The following PCDHGA5 variants were observed in gnomAD, a reference collection of about 807,000 sequenced individuals.
PCDHGA5 encodes protocadherin gamma subfamily A, 5.
In PCDHGA5, 36 loss-of-function variants were observed where a neutral mutation model predicts 56.7. The observed-to-expected ratio is 0.64, with a 90% confidence interval of 0.49 to 0.84. PCDHGA5 has a LOEUF of 0.84. Ranked by LOEUF, PCDHGA5 falls within the 40% of genes least tolerant of loss-of-function variation. The pLI is 0.00. For synonymous variants in PCDHGA5, 563 were observed against 520.2 expected, an observed-to-expected ratio of 1.08 and a Z score of -1.12; for missense variants, 1,305 against 1,201.5, an observed-to-expected ratio of 1.09 and a Z score of -1.27.
At chr5:141,494,954 G>A in intron 2 of PCDHGA5, 89 bp downstream of exon 2, 2 of 1,601,116 alleles carry the variant, frequency 1.2e-6, no homozygotes. Context: ...CCCAGCATTT[G>A]CTACAGATGG....
In PCDHGA5 at chr5:141,485,979, C is replaced by G; in HGVS notation, c.2422-8828C>G. 1 of 1,614,182 alleles carries G rather than the reference C, an allele frequency of 6.2e-7. No individual in the cohort carries two copies. Among genetic ancestry groups the G allele is most frequent in the Non-Finnish European group, 8.5e-7 (1 of 1,180,022 alleles). On this transcript the variant is annotated intron_variant, in intron 1 of 3. Coordinates refer to ENST00000518069, the MANE Select transcript of PCDHGA5 (RefSeq NM_018918.3). The surrounding 1 kb of genome is among the most constrained non-coding windows in gnomAD (Gnocchi z 5.7). ...CTCATCCAGCTCAATGCCTCAGACC[C>G]GGACCTGGGTCCCAGTGGTAACGTC...
chr5:141,365,307 CT>C lies in PCDHGA5; in HGVS notation c.978del (p.Val328LeufsTer13). The C allele has an allele frequency of 1.2e-6, 2 of 1,613,992 alleles. No homozygotes were observed. Among genetic ancestry groups the C allele is most frequent in the Non-Finnish European group, 1.7e-6 (2 of 1,179,882 alleles). On this transcript the variant is annotated frameshift_variant, in exon 1 of 4. Coordinates refer to ENST00000518069, the MANE Select transcript of PCDHGA5 (RefSeq NM_018918.3). LOFTEE classifies it high-confidence loss of function. ...LMEVVAQDGGALVASAKVVVT... is the reference protein window; with the variant it reads ...LMEVVAQDGGXLVASAKVVVT... ...GAAGTGGTAGCTCAGGATGGAGGCG[CT>C]CTTGTTGCCAGCGCTAAGGTGGTGG...
chr5:141,488,672 G>A (rs1012955473), intron 1 of PCDHGA5, among the ~76,000 whole-genome samples: 20 of 152,208 alleles, frequency 1.3e-4, no homozygotes, highest in African/African-American at 4.8e-4. Context: ...GAATACATGG[G>A]CTTTGCCTCT....
In PCDHGA5 at chr5:141,370,866, C is replaced by A. The variant is rs770980502; in HGVS notation, c.2421+4115C>A. On this transcript the variant is annotated intron_variant, in intron 1 of 3. Transcript: ENST00000518069. ...AGCCACATTTGCCCTGGAATCTGCG[C>A]AAGATCCTGATGTAGGTGTCAATTC... 14 of 1,614,050 alleles carry A rather than the reference C, an allele frequency of 8.7e-6. No homozygotes were observed. In the Admixed American group the frequency reaches 2.3e-4, roughly 27 times the overall value.
At position 141,432,782 on chromosome 5, in the gene PCDHGA5, C is replaced by G. The variant is rs547164205; in HGVS notation, c.2422-62025C>G. On this transcript the variant is annotated intron_variant, in intron 1 of 3. Transcript: ENST00000518069. The surrounding 1 kb of genome is among the most constrained non-coding windows in gnomAD (Gnocchi z 6.0). ...CAGCATCCCCCAAGTCCTGGCGGACCTCGGCAGCCTCGAGTCTCCAGCTAA... is the reference window on the plus strand; with the variant it reads ...CAGCATCCCCCAAGTCCTGGCGGACGTCGGCAGCCTCGAGTCTCCAGCTAA... 4.3e-6 allele frequency: 7 copies of G among 1,614,046 alleles called. No individual in the cohort carries two copies. The highest frequency in any genetic ancestry group is 3.3e-4 in the Middle Eastern group (2 of 6,084).
intron 1 of PCDHGA5, chr5:141,413,577 T>C (rs752007520): frequency 2.5e-6 from 4 of 1,613,836 alleles, no homozygotes; most frequent in Non-Finnish European, 3.4e-6. Context: ...ATGACAATGC[T>C]CCAAAATTCC....
chr5:141,386,593 A>G (rs1350788918), intron 1 of PCDHGA5, among the ~76,000 whole-genome samples: 3 of 151,446 alleles, frequency 2.0e-5, no homozygotes, highest in African/African-American at 7.3e-5. Context: ...TGTGGGGGAT[A>G]CATTTTTTTT....
chr5:141,462,125 A>G (rs918645911), intron 1 of PCDHGA5, among the ~76,000 whole-genome samples: 24 of 151,688 alleles, frequency 1.6e-4, no homozygotes, highest in African/African-American at 5.6e-4. Flanking sequence ...ACCCAGTCCA[A>G]TTTTTTGTAT....
chr5:141,473,680 C>T (rs888876529), intron 1 of PCDHGA5, among the ~76,000 whole-genome samples: 3 of 152,100 alleles, frequency 2.0e-5, no homozygotes, highest in Non-Finnish European at 2.9e-5. Flanking sequence ...CAGGGAAGGG[C>T]TGGGGTTCTG....
rs766164142 is a variant in PCDHGA5, at chr5:141,477,910, G to T, written c.2422-16897G>T. ...TGTCACGGGTGGTAGGCTGGGACGC[G>T]GATGCAGGGCACAATGCCTGGCTCT... On this transcript the variant is annotated intron_variant, in intron 1 of 3. Transcript: ENST00000518069. This position sits in a 1 kb window ranked among gnomAD's most constrained non-coding sequence, Gnocchi z 4.9. The T allele has an allele frequency of 6.2e-7, 1 of 1,614,048 alleles. No individual in the cohort carries two copies. Among genetic ancestry groups the T allele is most frequent in the African/African-American group, 1.3e-5 (1 of 74,932 alleles).
In PCDHGA5 at chr5:141,476,299, C is replaced by T; in HGVS notation, c.2422-18508C>T. ...ACCTTGGTTTGGATCTCGGTAGCCT[C>T]TCAGCCCGCAGGTTCCGGGTGGTGT... On this transcript the variant is annotated intron_variant, in intron 1 of 3. Transcript: ENST00000518069. The surrounding 1 kb of genome is among the most constrained non-coding windows in gnomAD (Gnocchi z 7.6). The T allele has an allele frequency of 6.2e-7, 1 of 1,614,100 alleles. No individual in the cohort carries two copies. The highest frequency in any genetic ancestry group is 1.1e-5 in the South Asian group (1 of 91,074).
At chr5:141,377,699 G>A (rs895371425) in intron 1 of PCDHGA5, 1 of 151,992 alleles carries the variant, frequency 6.6e-6, no homozygotes, top group Non-Finnish European at 1.5e-5. Context: ...TTACTACTTA[G>A]GAATCAAAAA....
At chr5:141,372,376 AC>A (rs1371288225) in intron 1 of PCDHGA5, 1 of 1,613,960 alleles carries the variant, frequency 6.2e-7, no homozygotes, top group Admixed American at 1.7e-5. Flanking sequence ...GTCATGCTGC[AC>A]CTAATCTTCG....
At chr5:141,409,870 T>C in intron 1 of PCDHGA5, 1 of 1,612,788 alleles carries the variant, frequency 6.2e-7, no homozygotes, top group Non-Finnish European at 8.5e-7. Flanking sequence ...GAGACCGCAA[T>C]GACAACGCAC....
At chr5:141,500,887 T>C (rs557735403) in intron 2 of PCDHGA5, among the ~76,000 whole-genome samples, 1 of 95,622 alleles carries the variant, frequency 1.0e-5, no homozygotes, top group South Asian at 2.8e-4. Context: ...ATTTTTTTTT[T>C]TTGAGACAGT....
intron 1 of PCDHGA5, chr5:141,374,996 G>A: frequency 1.9e-6 from 3 of 1,614,006 alleles, no homozygotes; most frequent in Non-Finnish European, 2.5e-6. Context: ...TTCAACTTCT[G>A]CAAATCTAGA....
intron 1 of PCDHGA5, among the ~76,000 whole-genome samples, chr5:141,481,675 C>T (rs943204061): frequency 4.0e-5 from 6 of 151,490 alleles, no homozygotes; most frequent in Non-Finnish European, 5.9e-5. Context: ...AAAATCAGGC[C>T]GGGCCTGGTG....
chr5:141,376,522 G>A (rs767035645), intron 1 of PCDHGA5: 18 of 1,613,784 alleles, frequency 1.1e-5, no homozygotes, highest in Non-Finnish European at 1.5e-5. Flanking sequence ...GTTTCTTTCC[G>A]CCTAAGCGGG....
At position 141,490,753 on chromosome 5, in the gene PCDHGA5, T is replaced by C; in HGVS notation, c.2422-4054T>C. ...TCAGGTTCAGGGAGCCCCAGCCTCC[T>C]CCTTTGTGTATGTCAACCCAGAGGA... On this transcript the variant is annotated intron_variant, in intron 1 of 3. Transcript: ENST00000518069. This position sits in a 1 kb window ranked among gnomAD's most constrained non-coding sequence, Gnocchi z 5.4. 1 of 1,614,184 alleles carries C rather than the reference T, an allele frequency of 6.2e-7. No individual in the cohort carries two copies. The highest frequency in any genetic ancestry group is 8.5e-7 in the Non-Finnish European group (1 of 1,180,024).
Sources: allele counts gnomAD v4.1 joint callset (sites outside exome capture counted in the v4.1 genomes callset), GRCh38; gene constraint gnomAD v4.1.1; non-coding constraint Gnocchi (gnomAD v3.1); transcripts MANE v1.5; gene names NCBI Gene and HGNC (gene_info 2026-07-23, HGNC 2026-07-21).